MED13L: variants seen among roughly 807,000 people sequenced by gnomAD.
The protein encoded by MED13L is mediator complex subunit 13L, also known as mediator of RNA polymerase II transcription subunit 13-like.
MED13L carries 7 observed loss-of-function variants against 220.9 expected under a neutral mutation model. The ratio of observed to expected loss-of-function variants is 0.03; its 90% CI spans 0.02 to 0.06. The LOEUF (loss-of-function observed/expected upper bound fraction) is 0.06, where lower values mean the gene tolerates loss of function less well. MED13L is among the 10% of genes least tolerant of loss of function. The pLI, the probability that MED13L is intolerant of heterozygous loss-of-function variation, is 1.00. For missense variants in MED13L, 1,965 were observed against 2,760.5 expected, an observed-to-expected ratio of 0.71 and a Z score of 6.46; for synonymous variants, 1,011 against 1,015.2, an observed-to-expected ratio of 1.00 and a Z score of 0.08.
chr12:116,161,148 C>A (rs1027678773), intron 2 of MED13L, among the ~76,000 whole-genome samples: 1 of 152,084 alleles, frequency 6.6e-6, no homozygotes, highest in African/African-American at 2.4e-5. Flanking sequence ...AGACAGTAAT[C>A]CATTCACAGG....
intron 30 of MED13L, 53 bp from the exon 31 acceptor site, chr12:115,961,451 G>C: frequency 6.2e-7 from 1 of 1,606,854 alleles, no homozygotes. Flanking sequence ...GGGAAGGCTG[G>C]TTCTCAGATT....
chr12:116,261,716 G>T (rs993299219), intron 1 of MED13L, among the ~76,000 whole-genome samples: 2 of 151,958 alleles, frequency 1.3e-5, no homozygotes, highest in African/African-American at 2.4e-5. Flanking sequence ...GTTCCTCCCC[G>T]TTTTGCATAC....
chr12:116,087,296 A>G (rs1314419984), intron 4 of MED13L, among the ~76,000 whole-genome samples: 1 of 152,232 alleles, frequency 6.6e-6, no homozygotes, highest in Non-Finnish European at 1.5e-5. Context: ...AGTAATTTCA[A>G]GCTTAATAGA....
chr12:116,276,026 T>C (rs1030896441), intron 1 of MED13L, among the ~76,000 whole-genome samples: 6 of 152,130 alleles, frequency 3.9e-5, no homozygotes. Context: ...CAGAGGTAGG[T>C]AATACGACCC....
chr12:116,181,190 A>T (rs1880495460), intron 2 of MED13L: 1 of 152,024 alleles, frequency 6.6e-6, no homozygotes, highest in Non-Finnish European at 1.5e-5. Flanking sequence ...CAGCCTCCCA[A>T]AGTACAGGCA....
At chr12:115,986,160 TTC>T (rs901100931) in intron 19 of MED13L, 104 bp downstream of exon 19, 10 of 1,242,220 alleles carry the variant, frequency 8.1e-6, no homozygotes, top group Non-Finnish European at 1.2e-5. Flanking sequence ...TTTGCAAATT[TTC>T]TCTGAGATTT....
chr12:116,208,009 G>C (rs1283777499), intron 2 of MED13L, among the ~76,000 whole-genome samples: 1 of 152,198 alleles, frequency 6.6e-6, no homozygotes, highest in East Asian at 1.9e-4. Flanking sequence ...AGCAAGGAGG[G>C]TATCAGTGAC....
chr12:115,972,287 G>GGGA, intron 25 of MED13L, 51 bp from the exon 26 acceptor site: 3 of 1,600,860 alleles, frequency 1.9e-6, no homozygotes, highest in Non-Finnish European at 2.5e-6. Flanking sequence ...TCATACTGAT[G>GGGA]GGAGATTTGA....
At chr12:116,226,887 A>C (rs1257146000) in intron 2 of MED13L, among the ~76,000 whole-genome samples, 1 of 149,582 alleles carries the variant, frequency 6.7e-6, no homozygotes, top group African/African-American at 2.5e-5. Context: ...AAAAAAAAAC[A>C]CCACAGATGC....
At chr12:116,272,184 G>C (rs1397569181) in intron 1 of MED13L, among the ~76,000 whole-genome samples, 1 of 152,036 alleles carries the variant, frequency 6.6e-6, no homozygotes, top group African/African-American at 2.4e-5. Context: ...AATAATTATA[G>C]AACAAAATTA....
chr12:116,097,980 C>A (rs1872748046), intron 3 of MED13L, among the ~76,000 whole-genome samples: 1 of 152,278 alleles, frequency 6.6e-6, no homozygotes. Flanking sequence ...GTGGGTGGCT[C>A]ATGCCGGTAA....
At chr12:115,963,558 A>G in intron 29 of MED13L, 39 bp from the exon 30 acceptor site, 1 of 1,463,818 alleles carries the variant, frequency 6.8e-7, no homozygotes, top group South Asian at 1.2e-5. Flanking sequence ...TCTGGTCTAG[A>G]CAATCACAGT....
chr12:116,205,330 AACG>A (rs1882243208), intron 2 of MED13L, among the ~76,000 whole-genome samples: 1 of 151,824 alleles, frequency 6.6e-6, no homozygotes, highest in Non-Finnish European at 1.5e-5. Flanking sequence ...TGTTTTTTTT[AACG>A]TTTTTCCTAG....
At chr12:116,222,577 C>T (rs1868542041) in intron 2 of MED13L, among the ~76,000 whole-genome samples, 1 of 152,164 alleles carries the variant, frequency 6.6e-6, no homozygotes, top group South Asian at 2.1e-4. Context: ...GATACAAGTA[C>T]TCTTTGAGCA....
At chr12:116,197,763 CT>C (rs1343241747) in intron 2 of MED13L, among the ~76,000 whole-genome samples, 1 of 149,686 alleles carries the variant, frequency 6.7e-6, no homozygotes, top group African/African-American at 2.5e-5. Flanking sequence ...GAAACTCCGT[CT>C]CAAAAAAAGA....
intron 2 of MED13L, among the ~76,000 whole-genome samples, chr12:116,167,813 T>C (rs1879391962): frequency 6.6e-6 from 1 of 152,208 alleles, no homozygotes; most frequent in Admixed American, 6.5e-5. Context: ...CATGTATTGA[T>C]CATGCTAATA....
At chr12:116,044,942 T>C (rs1455272494) in intron 4 of MED13L, among the ~76,000 whole-genome samples, 3 of 152,220 alleles carry the variant, frequency 2.0e-5, no homozygotes, top group Non-Finnish European at 2.9e-5. Context: ...GATCCATTCA[T>C]ACTCCTCTGT....
chr12:116,091,756 T>C (rs1482797249), intron 4 of MED13L, among the ~76,000 whole-genome samples: 2 of 152,206 alleles, frequency 1.3e-5, no homozygotes, highest in African/African-American at 4.8e-5. Context: ...AATTGCCAAA[T>C]CTAATAGTCT....
At chr12:116,171,372 C>A (rs945164312) in intron 2 of MED13L, among the ~76,000 whole-genome samples, 1 of 152,212 alleles carries the variant, frequency 6.6e-6, no homozygotes, top group Non-Finnish European at 1.5e-5. Flanking sequence ...AGCTCAAAAT[C>A]TTTATATGGA....
Sources: gnomAD v4.1 joint callset for allele counts (sites outside exome capture counted in the v4.1 genomes callset) on GRCh38, gnomAD v4.1.1 for gene constraint, MANE v1.5 for transcripts, NCBI Gene and HGNC (gene_info 2026-07-23, HGNC 2026-07-21) for gene names.